The following GRIA3 variants were observed in gnomAD, a reference collection of about 807,000 sequenced individuals.
The protein encoded by GRIA3 is glutamate ionotropic receptor AMPA type subunit 3.
A neutral mutation model predicts 63.0 loss-of-function variants in GRIA3; 3 were observed. The observed-to-expected ratio is 0.05, with a 90% CI of 0.02 to 0.12. GRIA3 has a LOEUF of 0.12. Ranked by LOEUF, GRIA3 falls within the 10% of genes least tolerant of loss-of-function variation. GRIA3 has a pLI of 1.00. For missense variants in GRIA3, 347 were observed against 700.9 expected, an observed-to-expected ratio of 0.50 and a Z score of 5.70; for synonymous variants, 274 against 257.9, an observed-to-expected ratio of 1.06 and a Z score of -0.60.
At chrX:123,271,660 T>C (rs771622545) in intron 3 of GRIA3, among the ~76,000 whole-genome samples, 5 of 112,405 alleles carry the variant, frequency 4.4e-5, no homozygotes, top group Non-Finnish European at 9.4e-5. Flanking sequence ...AGCATTCATG[T>C]GCCATGCTCT....
At chrX:123,292,212 C>G (rs961978551) in intron 3 of GRIA3, among the ~76,000 whole-genome samples, 5 of 111,836 alleles carry the variant, frequency 4.5e-5, no homozygotes, top group Admixed American at 9.5e-5. Context: ...TTTTAGCTAT[C>G]AGGATCATTT....
At chrX:123,232,301 A>G (rs1009108911) in intron 2 of GRIA3, among the ~76,000 whole-genome samples, 2 of 111,387 alleles carry the variant, frequency 1.8e-5, no homozygotes, top group African/African-American at 3.3e-5. Flanking sequence ...CTGCATCCCA[A>G]ATGAAAAGGG....
intron 3 of GRIA3, among the ~76,000 whole-genome samples, chrX:123,292,719 G>A (rs2044663609): frequency 9.0e-6 from 1 of 111,320 alleles, no homozygotes; most frequent in Non-Finnish European, 1.9e-5. Context: ...AAGTCAGAAT[G>A]GAAAAAGACT....
At chrX:123,432,562 T>C (rs2045623917) in intron 12 of GRIA3, among the ~76,000 whole-genome samples, 1 of 111,726 alleles carries the variant, frequency 9.0e-6, no homozygotes, top group African/African-American at 3.3e-5. Context: ...TATACCTGTG[T>C]GCGTAGGCTG....
chrX:123,220,822 G>A (rs1928270206), intron 2 of GRIA3, among the ~76,000 whole-genome samples: 1 of 111,410 alleles, frequency 9.0e-6, no homozygotes, highest in African/African-American at 3.3e-5. Context: ...AAGACTATTC[G>A]AACATTCCAG....
chrX:123,330,594 T>C (rs966593426), intron 4 of GRIA3, among the ~76,000 whole-genome samples: 1 of 111,804 alleles, frequency 8.9e-6, no homozygotes, highest in Non-Finnish European at 1.9e-5. Flanking sequence ...CTAAATGAGT[T>C]GGGATTGTTT....
At chrX:123,440,020 G>A (rs1416642988) in intron 12 of GRIA3, among the ~76,000 whole-genome samples, 1 of 111,638 alleles carries the variant, frequency 9.0e-6, no homozygotes, top group Admixed American at 9.5e-5. Flanking sequence ...TCATTTAGCT[G>A]CCACTTATAA....
intron 3 of GRIA3, among the ~76,000 whole-genome samples, chrX:123,284,026 A>G (rs2044602535): frequency 8.9e-6 from 1 of 112,626 alleles, no homozygotes; most frequent in South Asian, 3.7e-4. Context: ...AGGTGGCCCT[A>G]TGGGACGAAT....
intron 13 of GRIA3, among the ~76,000 whole-genome samples, chrX:123,468,031 C>A (rs1156945550): frequency 8.9e-6 from 1 of 112,287 alleles, no homozygotes; most frequent in Non-Finnish European, 1.9e-5. Flanking sequence ...GTGCTACCTG[C>A]CAGGCATCTT....
At chrX:123,431,027 T>TAC (rs3050442) in intron 12 of GRIA3, among the ~76,000 whole-genome samples, 27,450 of 99,200 alleles carry the variant, frequency 0.28, 3,262 homozygotes, top group Admixed American at 0.4. Flanking sequence ...GTAACTCACA[T>TAC]ACACACACAC....
intron 7 of GRIA3, among the ~76,000 whole-genome samples, chrX:123,400,912 A>T (rs1411290108): frequency 8.9e-6 from 1 of 112,409 alleles, no homozygotes. Context: ...CATATCTGTC[A>T]CAGATTCTAA....
intron 10 of GRIA3, among the ~76,000 whole-genome samples, chrX:123,413,660 T>C (rs1305953889): frequency 9.4e-6 from 1 of 106,593 alleles, no homozygotes; most frequent in Admixed American, 1.0e-4. Context: ...GTAAAATAGA[T>C]GAAAATTTGT....
At chrX:123,453,618 AACACACACACACAC>A (rs780732296) in intron 12 of GRIA3, among the ~76,000 whole-genome samples, 2 of 103,372 alleles carry the variant, frequency 1.9e-5, no homozygotes, top group Non-Finnish European at 4.0e-5. Context: ...TCAGGTTTTC[AACACACACACACAC>A]ACACACACAC....
Position 123,398,618 on chromosome X carries a change from T to A in GRIA3, c.913-18T>A. 1 of 1,187,148 alleles carries A rather than the reference T, an allele frequency of 8.4e-7. No homozygotes were observed. The highest frequency in any genetic ancestry group is 3.0e-5 in the East Asian group (1 of 33,719). On this transcript the variant is annotated intron_variant, in intron 6 of 15. Transcript: ENST00000620443. ...TATCATTTATCATGATATCTTGTTT[T>A]TCATGCATCCATTTCAGTATACATC... is the stretch of plus-strand genomic sequence containing the variant.
chrX:123,290,998 C>T (rs939363099), intron 3 of GRIA3, among the ~76,000 whole-genome samples: 2 of 111,722 alleles, frequency 1.8e-5, no homozygotes, highest in Non-Finnish European at 3.8e-5. Flanking sequence ...CAGTGGAGAA[C>T]TCTGCTATAA....
chrX:123,211,179 CA>C (rs374378541), intron 2 of GRIA3, among the ~76,000 whole-genome samples: 2,615 of 111,437 alleles, frequency 0.023, 87 homozygotes, highest in African/African-American at 0.08. Flanking sequence ...TAAAGACACT[CA>C]AAAAAATGTA....
chrX:123,270,728 C>T (rs2147293945), intron 3 of GRIA3, among the ~76,000 whole-genome samples: 1 of 112,167 alleles, frequency 8.9e-6, no homozygotes, highest in South Asian at 3.7e-4. Context: ...CTTCATTGGG[C>T]TGTTATGAAA....
At chrX:123,299,615 A>C (rs1204734270) in intron 3 of GRIA3, among the ~76,000 whole-genome samples, 1 of 111,580 alleles carries the variant, frequency 9.0e-6, no homozygotes, top group African/African-American at 3.3e-5. Context: ...TTATCAGCTT[A>C]AGAAGCTTTG....
chrX:123,249,729 C>T (rs1024531328), intron 2 of GRIA3, among the ~76,000 whole-genome samples: 1 of 111,836 alleles, frequency 8.9e-6, no homozygotes, highest in African/African-American at 3.3e-5. Context: ...GCCTTTTGGA[C>T]CACGGTGGCA....
Sources: allele counts gnomAD v4.1 joint callset (sites outside exome capture counted in the v4.1 genomes callset), GRCh38; gene constraint gnomAD v4.1.1; transcripts MANE v1.5; gene names NCBI Gene and HGNC (gene_info 2026-07-23, HGNC 2026-07-21).